MDGA2: variants seen among roughly 807,000 people sequenced by gnomAD.
MDGA2 encodes the protein MAM domain-containing glycosylphosphatidylinositol anchor protein 2.
Under a neutral mutation model 117.8 loss-of-function variants are expected in MDGA2, and 40 were observed. The observed-to-expected ratio is 0.34, with a 90% CI of 0.26 to 0.44. MDGA2 has a LOEUF of 0.44. Ranked by LOEUF, MDGA2 falls within the 20% of genes least tolerant of loss-of-function variation. The pLI, the probability that MDGA2 is intolerant of heterozygous loss-of-function variation, is 1.00. For missense variants in MDGA2, 1,123 were observed against 1,250.6 expected, an observed-to-expected ratio of 0.90 and a Z score of 1.54; for synonymous variants, 452 against 439.0, an observed-to-expected ratio of 1.03 and a Z score of -0.37.
chr14:47,385,259 G>A (rs79484489), intron 1 of MDGA2, among the ~76,000 whole-genome samples: 2,888 of 151,818 alleles, frequency 0.019, 64 homozygotes, highest in East Asian at 0.11. Context: ...GACACTGATC[G>A]TTTCTGGATC....
chr14:47,323,219 G>A (rs982935590), intron 1 of MDGA2, among the ~76,000 whole-genome samples: 2 of 131,388 alleles, frequency 1.5e-5, no homozygotes, highest in African/African-American at 5.9e-5. Flanking sequence ...ATGACATTTC[G>A]GTGACTGTAT....
At chr14:47,000,627 T>C (rs1954256) in intron 8 of MDGA2, among the ~76,000 whole-genome samples, 137,674 of 150,508 alleles carry the variant, frequency 0.91, 63,106 homozygotes, top group East Asian at 0.97. Flanking sequence ...AAAACAAAAG[T>C]TTTTGAGATC....
At chr14:47,465,442 G>T (rs970295418) in intron 1 of MDGA2, among the ~76,000 whole-genome samples, 1 of 151,914 alleles carries the variant, frequency 6.6e-6, no homozygotes, top group African/African-American at 2.4e-5. Flanking sequence ...ATCTGACAAA[G>T]GTCTAATATC....
At chr14:47,160,276 T>C (rs1439003466) in intron 3 of MDGA2, among the ~76,000 whole-genome samples, 2 of 152,240 alleles carry the variant, frequency 1.3e-5, no homozygotes, top group East Asian at 3.8e-4. Context: ...TGAACTCTAC[T>C]AATAAAACTT....
intron 1 of MDGA2, among the ~76,000 whole-genome samples, chr14:47,555,827 C>T (rs1895671761): frequency 6.6e-6 from 1 of 152,134 alleles, no homozygotes; most frequent in Non-Finnish European, 1.5e-5. Flanking sequence ...TTTCCACAAA[C>T]ACAACTCTAT....
At chr14:47,184,202 G>T (rs1307880950) in intron 3 of MDGA2, among the ~76,000 whole-genome samples, 1 of 151,802 alleles carries the variant, frequency 6.6e-6, no homozygotes, top group Admixed American at 6.6e-5. Context: ...TTTTCATATT[G>T]TCTTATTGAT....
rs151238015 is a variant in MDGA2 at position 47,286,030 on chromosome 14, C to CTG, written c.420+15379_420+15380dup. Among the ~76,000 whole-genome samples, 334 of 150,266 alleles carry CTG rather than the reference C, an allele frequency of 2.2e-3. 1 individual carries two copies. The highest frequency in any genetic ancestry group is 3.5e-3 in the Admixed American group (53 of 15,030). On this transcript the variant is annotated intron_variant, in intron 2 of 16. Coordinates refer to ENST00000399232, the MANE Select transcript of MDGA2 (RefSeq NM_001113498.3). The stretch of plus-strand genomic sequence containing the variant: ...ATGTTTAGGGTCCTATATTGTGTGT[C>CTG]TGTGTGTGTGTGTGTGTTTGCATTG...
intron 3 of MDGA2, among the ~76,000 whole-genome samples, chr14:47,174,148 C>A (rs1884320902): frequency 6.6e-6 from 1 of 152,098 alleles, no homozygotes; most frequent in Admixed American, 6.6e-5. Flanking sequence ...ATTCATAAAG[C>A]AAGTCCTGAG....
In MDGA2 at chr14:47,474,612, G is replaced by A. The variant is rs1163682995; in HGVS notation, c.281-173062C>T. Among the ~76,000 whole-genome samples, 7 of 152,090 alleles carry A rather than the reference G, an allele frequency of 4.6e-5. No individual in the cohort carries two copies. In the East Asian group the frequency reaches 9.7e-4, roughly 21 times the overall value. ...ACTACAATGCTACAGTAACCAAAAC[G>A]TCACGGTACTGGTCCAAAAACAGAC... On this transcript the variant is annotated intron_variant, in intron 1 of 16. Transcript: ENST00000399232.
At chr14:47,082,759 C>T (rs897922766) in intron 6 of MDGA2, among the ~76,000 whole-genome samples, 1 of 151,758 alleles carries the variant, frequency 6.6e-6, no homozygotes, top group Non-Finnish European at 1.5e-5. Context: ...ATGATCAAAA[C>T]AGGTGTTCTC....
At chr14:47,519,058 G>A (rs1285516884) in intron 1 of MDGA2, among the ~76,000 whole-genome samples, 1 of 151,916 alleles carries the variant, frequency 6.6e-6, no homozygotes, top group Non-Finnish European at 1.5e-5. Context: ...ACAAAAATTG[G>A]CCAGGAGTGG....
chr14:47,152,247 C>T lies in MDGA2; in HGVS notation c.596-7973G>A, dbSNP rs1264667354. On this transcript the variant is annotated intron_variant, in intron 3 of 16. Coordinates refer to ENST00000399232, the MANE Select transcript of MDGA2 (RefSeq NM_001113498.3). ...TGTTCCAAGACAATCTGAACTTTTC[C>T]ATGGTTTTTCTTTGTATACCTATAA... Among the ~76,000 whole-genome samples, 12 of 152,200 alleles carry T rather than the reference C, an allele frequency of 7.9e-5. No individual in the cohort carries two copies. In the South Asian group the frequency reaches 2.3e-3, roughly 29 times the overall value.
chr14:47,409,162 A>G (rs1166078702), intron 1 of MDGA2, among the ~76,000 whole-genome samples: 2 of 152,182 alleles, frequency 1.3e-5, no homozygotes, highest in Non-Finnish European at 2.9e-5. Flanking sequence ...GAAAGCAAAT[A>G]ATATATGATT....
intron 2 of MDGA2, among the ~76,000 whole-genome samples, chr14:47,282,152 T>C (rs1313546635): frequency 2.0e-5 from 3 of 152,168 alleles, no homozygotes; most frequent in Non-Finnish European, 4.4e-5. Flanking sequence ...TTTATTATCA[T>C]TTTTCTGAAA....
At chr14:47,443,304 T>A (rs1320104609) in intron 1 of MDGA2, among the ~76,000 whole-genome samples, 2 of 152,078 alleles carry the variant, frequency 1.3e-5, no homozygotes, top group African/African-American at 4.8e-5. Flanking sequence ...AATTTGTGGG[T>A]AGAAGACACG....
At chr14:46,868,635 A>G (rs540524369) in intron 14 of MDGA2, among the ~76,000 whole-genome samples, 5 of 152,140 alleles carry the variant, frequency 3.3e-5, no homozygotes, top group African/African-American at 1.2e-4. Flanking sequence ...AAAATCAGTT[A>G]GCAAGCGAAA....
chr14:46,854,643 T>A (rs1881192309), intron 15 of MDGA2, among the ~76,000 whole-genome samples: 1 of 151,790 alleles, frequency 6.6e-6, no homozygotes. Flanking sequence ...TATATAAAAT[T>A]TAATCAAGAA....
intron 1 of MDGA2, among the ~76,000 whole-genome samples, chr14:47,638,476 T>G (rs971619201): frequency 3.0e-4 from 45 of 152,182 alleles, no homozygotes; most frequent in African/African-American, 1.1e-3. Context: ...CAATTGCCAG[T>G]GTTAGGTAAG....
chr14:47,552,346 G>A (rs550654063), intron 1 of MDGA2, among the ~76,000 whole-genome samples: 1 of 152,218 alleles, frequency 6.6e-6, no homozygotes, highest in East Asian at 1.9e-4. Flanking sequence ...GATATTAAAT[G>A]GGCATTTCCA....
Sources: gnomAD v4.1 joint callset for allele counts (sites outside exome capture counted in the v4.1 genomes callset) on GRCh38, gnomAD v4.1.1 for gene constraint, MANE v1.5 for transcripts, NCBI Gene and HGNC (gene_info 2026-07-23, HGNC 2026-07-21) for gene names.